The following RPL15 variants were observed in gnomAD, a reference collection of about 807,000 sequenced individuals.
RPL15 encodes ribosomal protein L15.
For synonymous variants in RPL15, 97 were observed against 95.1 expected (o/e 1.02, Z -0.12); for missense variants, 161 against 271.8 (o/e 0.59, Z 2.87).
chr3:23,921,319 CTCATGATAGCTT>C (rs1705068953), downstream of RPL15, among the ~76,000 whole-genome samples: 1 of 152,174 alleles, frequency 6.6e-6, no homozygotes, highest in Non-Finnish European at 1.5e-5. Context: ...ATCAAAAGTC[CTCATGATAGCTT>C]TCATGATCTT....
In RPL15 at chr3:23,917,962, G is replaced by A. The variant is rs1199176508; in HGVS notation, c.103G>A (p.Ala35Thr). The change falls in exon 2 of 4, where the codon GCT becomes ACT. Residue 35 changes from alanine to threonine, a missense_variant. Coordinates refer to ENST00000307839, the MANE Select transcript of RPL15 (RefSeq NM_002948.5). The stretch of plus-strand genomic sequence containing the variant: ...CTGCTGGCAGTACCGCCAGCTCTCT[G>A]CTCTCCACAGGGCTCCCCGCCCCAC... ...VRCWQYRQLSALHRAPRPTRP... is the reference protein window; with the variant it reads ...VRCWQYRQLSTLHRAPRPTRP... 39 of 1,613,812 alleles carry A rather than the reference G, an allele frequency of 2.4e-5. No individual in the cohort carries two copies. Among genetic ancestry groups the A allele is most frequent in the Non-Finnish European group, 3.3e-5 (39 of 1,179,850 alleles).
chr3:23,921,867 C>T (rs527334564), downstream of RPL15: 1 of 474,584 alleles, frequency 2.1e-6, no homozygotes, highest in East Asian at 3.6e-5. Context: ...GAGCCACCAC[C>T]CCCAGCCCAA....
chr3:23,921,722 A>G (rs1705094375), downstream of RPL15: 1 of 641,844 alleles, frequency 1.6e-6, no homozygotes, highest in African/African-American at 1.9e-5. Context: ...CTACAGGCGC[A>G]CACTGCCATG....
chr3:23,917,923 C>T lies in RPL15; in HGVS notation c.64C>T (p.Leu22Phe). The T allele has an allele frequency of 1.2e-6, 2 of 1,613,734 alleles. No homozygotes were observed. Among genetic ancestry groups the T allele is most frequent in the Non-Finnish European group, 8.5e-7 (1 of 1,179,812 alleles). The change falls in exon 2 of 4, where the codon CTT becomes TTT. Residue 22 changes from leucine to phenylalanine, a missense_variant. Transcript: ENST00000307839. ...RKKQSDVMRF[L>F]LRVRCWQYRQ... ...GAAGCAGTCTGATGTCATGCGCTTT[C>T]TTCTGAGGGTCCGCTGCTGGCAGTA...
intron 1 of RPL15, 33 bp from the exon 2 acceptor site, chr3:23,917,817 G>A (rs763388523): frequency 7.6e-6 from 12 of 1,571,352 alleles, no homozygotes; most frequent in Admixed American, 1.8e-5. Flanking sequence ...TACTTAAAGC[G>A]GATGATATTT....
chr3:23,920,300 T>C lies in RPL15; in HGVS notation c.*799T>C, dbSNP rs1052323478. 28 of 985,726 alleles carry C rather than the reference T, an allele frequency of 2.8e-5. No individual in the cohort carries two copies. Among genetic ancestry groups the C allele is most frequent in the Non-Finnish European group, 3.3e-5 (27 of 829,936 alleles). 61.1% of individuals were successfully genotyped at this position (985,726 alleles called of 1,614,324 possible). On this transcript the variant is annotated 3_prime_UTR_variant, in exon 4 of 4. Transcript: ENST00000307839. ...TAGTTGGCTATAAGTACGTCATTCTTAGTCCAGTCAGTCTTAAAAACATCT... is the reference window on the plus strand; with the variant it reads ...TAGTTGGCTATAAGTACGTCATTCTCAGTCCAGTCAGTCTTAAAAACATCT...
At chr3:23,918,264 CTG>C in intron 2 of RPL15, 174 bp from the exon 3 acceptor site, 1 of 903,494 alleles carries the variant, frequency 1.1e-6, no homozygotes. Context: ...GTGTGCCTCC[CTG>C]TGTGAGTAGC....
chr3:23,921,061 A>C (rs1251561480), downstream of RPL15: 1 of 152,772 alleles, frequency 6.5e-6, no homozygotes, highest in Admixed American at 6.5e-5. Flanking sequence ...TCAGGCCTGT[A>C]ATCCTGGCAC....
rs775064781 is a variant in RPL15, at chr3:23,918,446, T to C, written c.179T>C (p.Val60Ala). The change falls in exon 3 of 4, where the codon GTT becomes GCT. Residue 60 changes from valine (V) to alanine (A), a missense_variant. Physicochemically the swap from Val to Ala is moderately conservative, Grantham distance 64. Transcript: ENST00000307839. ...RLGYKAKQGYVIYRIRVRRGG... is the reference protein window; with the variant it reads ...RLGYKAKQGYAIYRIRVRRGG... Reference sequence around the variant, plus strand: ...CGTGTGTGTTTGTGTGTAGGTTACGTTATATATAGGATTCGTGTTCGCCGT... The same window carrying C: ...CGTGTGTGTTTGTGTGTAGGTTACGCTATATATAGGATTCGTGTTCGCCGT... 1 of 1,612,388 alleles carries C rather than the reference T, an allele frequency of 6.2e-7. No homozygotes were observed. The highest frequency in any genetic ancestry group is 1.7e-5 in the Admixed American group (1 of 59,970).
At position 23,920,012 on chromosome 3, in the gene RPL15, T is replaced by G; in HGVS notation, c.*511T>G. 1.0e-6 allele frequency: 1 copy of G among 986,752 alleles called. No homozygotes were observed. Among genetic ancestry groups the G allele is most frequent in the Non-Finnish European group, 1.2e-6 (1 of 830,606 alleles). The allele number at this position is 986,752 out of a possible 1,614,324, so 61.1% of individuals were successfully genotyped here. The stretch of plus-strand genomic sequence containing the variant: ...TTAAATTCACATAAAAGGTGAAAGC[T>G]CCTGGTTCAGTGCCATGGCTTCATG... On this transcript the variant is annotated 3_prime_UTR_variant, in exon 4 of 4. Coordinates refer to ENST00000307839, the MANE Select transcript of RPL15 (RefSeq NM_002948.5).
chr3:23,919,066 C>A (rs970915734), intron 3 of RPL15, 130 bp from the exon 4 acceptor site: 3 of 654,210 alleles, frequency 4.6e-6, no homozygotes, highest in African/African-American at 1.8e-5. Flanking sequence ...GGGAGAAATG[C>A]TTAGTAAATA....
upstream of RPL15, chr3:23,916,729 G>GACGCGGAT (rs1245178811): frequency 6.6e-6 from 1 of 152,524 alleles, no homozygotes; most frequent in Admixed American, 6.5e-5. Context: ...GCAGCGCGGA[G>GACGCGGAT]ACGCGGAGAC....
At chr3:23,921,350 A>C (rs750778648), downstream of RPL15, among the ~76,000 whole-genome samples, 2 of 152,154 alleles carry the variant, frequency 1.3e-5, no homozygotes, top group Non-Finnish European at 2.9e-5. Context: ...TTCCCACTTT[A>C]TGTGTGACCT....
intron 3 of RPL15, chr3:23,918,966 G>A (rs565248967): frequency 3.7e-5 from 21 of 569,642 alleles, no homozygotes; most frequent in Non-Finnish European, 5.6e-5. Flanking sequence ...CCCTAGTCAG[G>A]AATGGAGTAT....
Position 23,918,854 on chromosome 3 carries a change from T to A in RPL15, c.309+278T>A, listed in dbSNP as rs561294975. ...GGCCTGCACAGCCTAAAATATATAC[T>A]AAATATTTTTAAAGCTAAACGTTGC... On this transcript the variant is annotated intron_variant, in intron 3 of 3. Transcript: ENST00000307839. The A allele has an allele frequency of 1.5e-4, 77 of 503,488 alleles. No homozygotes were observed. The East Asian group carries it at 2.0e-3, about 13-fold the overall frequency. 31.2% of individuals were successfully genotyped at this position (503,488 alleles called of 1,614,324 possible).
chr3:23,917,884 G>A lies in RPL15; in HGVS notation c.25G>A (p.Glu9Lys). The stretch of plus-strand genomic sequence containing the variant: ...GATGGGTGCATACAAGTACATCCAG[G>A]AGCTATGGAGAAAGAAGCAGTCTGA... Reference protein sequence around the residue: MGAYKYIQELWRKKQSDVM... With the variant: MGAYKYIQKLWRKKQSDVM... The change falls in exon 2 of 4, where the codon GAG becomes AAG. Residue 9 changes from glutamate (E) to lysine (K), a missense_variant. Glu to Lys is a moderately conservative substitution (Grantham distance 56, BLOSUM62 1). Coordinates refer to ENST00000307839, the MANE Select transcript of RPL15 (RefSeq NM_002948.5). 1 of 1,611,124 alleles carries A rather than the reference G, an allele frequency of 6.2e-7. No homozygotes were observed. Among genetic ancestry groups the A allele is most frequent in the Non-Finnish European group, 8.5e-7 (1 of 1,179,214 alleles).
downstream of RPL15, among the ~76,000 whole-genome samples, chr3:23,921,263 TC>T (rs146598544): frequency 0.023 from 3,527 of 152,272 alleles, 154 homozygotes; most frequent in African/African-American, 0.08. Context: ...CACACAGTAG[TC>T]CAAGGGATCC....
Position 23,917,678 on chromosome 3 carries a change from G to A in RPL15, c.-10-172G>A, listed in dbSNP as rs968748150. 14 of 620,920 alleles carry A rather than the reference G, an allele frequency of 2.3e-5. No homozygotes were observed. In the African/African-American group the frequency reaches 2.4e-4, roughly 11 times the overall value. The allele number at this position is 620,920 out of a possible 1,614,324, so 38.5% of individuals were successfully genotyped here. A position where few individuals can be genotyped will look rare whatever the true frequency, so the allele number is the denominator to read the frequency against. On this transcript the variant is annotated intron_variant, in intron 1 of 3. Coordinates refer to ENST00000307839, the MANE Select transcript of RPL15 (RefSeq NM_002948.5). ...TGGGGTTGCGGAAGTGACTGAACGCGGCTCCGTGGGCGCAGTGGTGGGGGT... is the reference window on the plus strand; with the variant it reads ...TGGGGTTGCGGAAGTGACTGAACGCAGCTCCGTGGGCGCAGTGGTGGGGGT...
At chr3:23,918,597 G>C in intron 3 of RPL15, 21 bp downstream of exon 3, 1 of 1,610,954 alleles carries the variant, frequency 6.2e-7, no homozygotes, top group African/African-American at 1.3e-5. Context: ...TTGAGTAGCA[G>C]TTATATTGAA....
Sources: allele counts gnomAD v4.1 joint callset (sites outside exome capture counted in the v4.1 genomes callset), GRCh38; gene constraint gnomAD v4.1.1; transcripts MANE v1.5; gene names NCBI Gene and HGNC (gene_info 2026-07-23, HGNC 2026-07-21).